DOCK2: variants seen among roughly 807,000 people sequenced by gnomAD.
DOCK2 encodes the protein dedicator of cytokinesis protein 2.
A neutral mutation model predicts 248.9 loss-of-function variants in DOCK2; 87 were observed. The ratio of observed to expected loss-of-function variants is 0.35; its 90% confidence interval spans 0.29 to 0.42. The LOEUF (loss-of-function observed/expected upper bound fraction) is 0.42. Ranked by LOEUF, DOCK2 falls within the 10% of genes least tolerant of loss-of-function variation. The pLI, the probability that DOCK2 is intolerant of heterozygous loss-of-function variation, is 1.00. For missense variants in DOCK2, 1,747 were observed against 2,300.2 expected (o/e 0.76, Z 4.92); for synonymous variants, 805 against 821.6 (o/e 0.98, Z 0.35).
At chr5:170,055,475 G>C in intron 42 of DOCK2, 89 bp downstream of exon 42, 3 of 1,190,176 alleles carry the variant, frequency 2.5e-6, no homozygotes, top group Non-Finnish European at 3.7e-6. Context: ...AGACCCCAGT[G>C]TCTTTCTAGT....
intron 25 of DOCK2, among the ~76,000 whole-genome samples, chr5:169,765,803 C>T (rs573423748): frequency 6.6e-6 from 1 of 151,840 alleles, no homozygotes; most frequent in South Asian, 2.1e-4. Context: ...GTTTTTTTCA[C>T]TGGGAACTTT....
At chr5:169,696,368 T>C (rs1760626390) in intron 10 of DOCK2, among the ~76,000 whole-genome samples, 1 of 152,230 alleles carries the variant, frequency 6.6e-6, no homozygotes, top group African/African-American at 2.4e-5. Context: ...ATTTGGAGAA[T>C]TGGCGTGACC....
chr5:169,843,019 T>C (rs1770079405), intron 27 of DOCK2, among the ~76,000 whole-genome samples: 1 of 152,302 alleles, frequency 6.6e-6, no homozygotes, highest in Middle Eastern at 3.4e-3. Flanking sequence ...ATTAGCCCAA[T>C]CATTTTCAGC....
intron 1 of DOCK2, among the ~76,000 whole-genome samples, 180 bp downstream of exon 1, chr5:169,637,549 G>T (rs1219026226): frequency 6.6e-6 from 1 of 152,164 alleles, no homozygotes; most frequent in East Asian, 1.9e-4. Context: ...GAGGACGGCG[G>T]GACCCCACCC....
chr5:170,037,221 AG>A (rs140268325), intron 36 of DOCK2, among the ~76,000 whole-genome samples: 7,348 of 152,058 alleles, frequency 0.048, 375 homozygotes, highest in African/African-American at 0.13. Flanking sequence ...ACATATTTCC[AG>A]GACTTTTTTA....
At chr5:169,785,175 A>C (rs773828542) in intron 25 of DOCK2, among the ~76,000 whole-genome samples, 1 of 152,228 alleles carries the variant, frequency 6.6e-6, no homozygotes, top group Non-Finnish European at 1.5e-5. Flanking sequence ...TTGGATCAGC[A>C]GCCAATCTAA....
chr5:170,042,500 A>G (rs1203615479), intron 38 of DOCK2, among the ~76,000 whole-genome samples: 1 of 152,162 alleles, frequency 6.6e-6, no homozygotes, highest in Non-Finnish European at 1.5e-5. Context: ...AATCCTTCCC[A>G]TGGCCCATGA....
At position 170,076,081 on chromosome 5, in the gene DOCK2, G is replaced by A; in HGVS notation, c.4863G>A (p.Glu1621=). ...TGGAGAAGGAGTACGGTGTCCGAGA[G>A]ATGGTATGGGTGGTTCCTATGGCTT... The part of the protein sequence containing the change: ...MKVEKEYGVR[E]MPDFDDRRVG... The change falls in exon 47 of 52, where the codon GAG becomes GAA. Residue 1621 remains glutamate, a synonymous_variant. Transcript: ENST00000520908. The A allele has an allele frequency of 6.5e-7, 1 of 1,538,476 alleles. No homozygotes were observed. Among genetic ancestry groups the A allele is most frequent in the Non-Finnish European group, 8.8e-7 (1 of 1,131,772 alleles).
chr5:170,067,625 C>T lies in DOCK2; in HGVS notation c.4583C>T (p.Ser1528Phe). 6.2e-7 allele frequency: 1 copy of T among 1,614,202 alleles called. No homozygotes were observed. The highest frequency in any genetic ancestry group is 8.5e-7 in the Non-Finnish European group (1 of 1,180,036). Reference protein sequence around the residue: ...SDETLPINPLSMLLNGIVDPA... With the variant: ...SDETLPINPLFMLLNGIVDPA... The stretch of plus-strand genomic sequence containing the variant: ...GAGACCCTCCCCATCAACCCACTCT[C>T]CATGCTCCTGAACGGGATTGTGGAC... Residue 1528 changes from serine (S) to phenylalanine (F), a missense_variant, in exon 45 of 52, where the codon TCC becomes TTC. By Grantham distance (155) the Ser-to-Phe change is radical (BLOSUM62 -2). This residue lies in a region of DOCK2 where 513 missense variants were observed against 586.1 expected (regional missense o/e 0.88). Transcript: ENST00000520908.
chr5:169,981,508 AT>A (rs1243811647), intron 27 of DOCK2, among the ~76,000 whole-genome samples: 1 of 152,048 alleles, frequency 6.6e-6, no homozygotes, highest in Non-Finnish European at 1.5e-5. Flanking sequence ...AATATTTCAG[AT>A]TTTTTTCATT....
intron 25 of DOCK2, among the ~76,000 whole-genome samples, chr5:169,771,631 A>G (rs1765092600): frequency 6.6e-6 from 1 of 152,146 alleles, no homozygotes; most frequent in Non-Finnish European, 1.5e-5. Context: ...TCTATAGGAT[A>G]TTTAATATAT....
chr5:169,845,099 C>T (rs1294080231), intron 27 of DOCK2, among the ~76,000 whole-genome samples: 1 of 150,688 alleles, frequency 6.6e-6, no homozygotes, highest in Non-Finnish European at 1.5e-5. Flanking sequence ...TTGCCAGGTC[C>T]CTGAAGCCCA....
At chr5:169,672,866 G>A (rs374916138) in intron 5 of DOCK2, among the ~76,000 whole-genome samples, 18 of 152,106 alleles carry the variant, frequency 1.2e-4, no homozygotes, top group East Asian at 7.7e-4. Context: ...ATGTGATTAC[G>A]GTTTTATTAT....
At chr5:169,978,805 A>G (rs1777831184) in intron 27 of DOCK2, among the ~76,000 whole-genome samples, 1 of 152,212 alleles carries the variant, frequency 6.6e-6, no homozygotes, top group Non-Finnish European at 1.5e-5. Context: ...GTCCCTCATC[A>G]GCCAAGTGCC....
At chr5:169,863,100 T>C (rs1438361450) in intron 27 of DOCK2, among the ~76,000 whole-genome samples, 1 of 152,188 alleles carries the variant, frequency 6.6e-6, no homozygotes, top group Non-Finnish European at 1.5e-5. Flanking sequence ...GCCATGCAAG[T>C]TTGACTGGAT....
chr5:169,820,735 G>C (rs1478470960), intron 26 of DOCK2, among the ~76,000 whole-genome samples: 1 of 152,226 alleles, frequency 6.6e-6, no homozygotes, highest in African/African-American at 2.4e-5. Context: ...AAGGAAAGCA[G>C]CTCCTCACCA....
At position 169,764,162 on chromosome 5, in the gene DOCK2, G is replaced by A. The variant is rs1181178562; in HGVS notation, c.2554+2537G>A. On this transcript the variant is annotated intron_variant, in intron 25 of 51. Coordinates refer to ENST00000520908, the MANE Select transcript of DOCK2 (RefSeq NM_004946.3). The surrounding 1 kb of genome is among the most constrained non-coding windows in gnomAD (Gnocchi z 4.3). ...CTCCCTGTGAAGTGTCCTGTGCCTC[G>A]GGGACGTGATTTGCTTTGAGCCTGC... Among the ~76,000 whole-genome samples the A allele has an allele frequency of 1.3e-5, 2 of 152,124 alleles. No homozygotes were observed. Among genetic ancestry groups the A allele is most frequent in the African/African-American group, 4.8e-5 (2 of 41,426 alleles).
chr5:169,915,929 C>T (rs960754219), intron 27 of DOCK2, among the ~76,000 whole-genome samples: 15 of 152,118 alleles, frequency 9.9e-5, no homozygotes, highest in African/African-American at 3.6e-4. Flanking sequence ...CAGGGAAAAT[C>T]CTACTCTTAA....
At chr5:170,024,361 T>C (rs1470306140) in intron 33 of DOCK2, among the ~76,000 whole-genome samples, 2 of 146,278 alleles carry the variant, frequency 1.4e-5, no homozygotes, top group Non-Finnish European at 3.0e-5. Context: ...GAGAGCCTTT[T>C]TTTTTTTTTT....
Sources: gnomAD v4.1 joint callset for allele counts (sites outside exome capture counted in the v4.1 genomes callset) on GRCh38, gnomAD v4.1.1 for gene constraint, gnomAD v4.1.1 regional missense constraint, Gnocchi (gnomAD v3.1) non-coding constraint, MANE v1.5 for transcripts, NCBI Gene and HGNC (gene_info 2026-07-23, HGNC 2026-07-21) for gene names.